FAM20A: variants seen among roughly 807,000 people sequenced by gnomAD.
FAM20A encodes pseudokinase FAM20A.
FAM20A carries 42 observed loss-of-function variants against 52.0 expected under a neutral mutation model. That is an observed-to-expected ratio of 0.81 (90% CI 0.63 to 1.04). The LOEUF (loss-of-function observed/expected upper bound fraction) is 1.04. FAM20A is among the 50% of genes least tolerant of loss of function. The pLI, the probability that FAM20A is intolerant of heterozygous loss-of-function variation, is 0.00. For synonymous variants in FAM20A, 304 were observed against 298.9 expected (o/e 1.02, Z -0.18); for missense variants, 742 against 712.7 (o/e 1.04, Z -0.47).
intron 1 of FAM20A, among the ~76,000 whole-genome samples, chr17:68,582,105 GAT>G (rs1444735530): frequency 6.6e-6 from 1 of 152,154 alleles, no homozygotes; most frequent in Non-Finnish European, 1.5e-5. Context: ...AGGGAGCAGA[GAT>G]TAGCCTGTTT....
intron 1 of FAM20A, among the ~76,000 whole-genome samples, chr17:68,596,470 C>T (rs898121028): frequency 2.7e-4 from 41 of 152,284 alleles, no homozygotes; most frequent in Non-Finnish European, 2.8e-4. Context: ...CAGTTTGACA[C>T]GTCAAAAGAC....
At chr17:68,572,488 T>C (rs2087591934) in intron 1 of FAM20A, among the ~76,000 whole-genome samples, 1 of 152,152 alleles carries the variant, frequency 6.6e-6, no homozygotes, top group Non-Finnish European at 1.5e-5. Context: ...TAACACTGAG[T>C]AGTAGTAACT....
intron 1 of FAM20A, among the ~76,000 whole-genome samples, chr17:68,574,550 G>A (rs1011820828): frequency 2.0e-5 from 3 of 152,178 alleles, no homozygotes; most frequent in Non-Finnish European, 4.4e-5. Context: ...GTTTTAACAT[G>A]AATTTTGGAG....
At chr17:68,556,309 C>G (rs1163672807) in intron 1 of FAM20A, among the ~76,000 whole-genome samples, 1 of 152,014 alleles carries the variant, frequency 6.6e-6, no homozygotes, top group Non-Finnish European at 1.5e-5. Context: ...GCTTGGGTAG[C>G]CTTTTCTCCC....
chr17:68,541,964 G>A, intron 7 of FAM20A, 21 bp downstream of exon 7: 1 of 1,609,264 alleles, frequency 6.2e-7, no homozygotes, highest in Non-Finnish European at 8.5e-7. Flanking sequence ...ACTGGGCTGT[G>A]TGGCCTGGGG....
chr17:68,579,176 G>A (rs990545574), intron 1 of FAM20A, among the ~76,000 whole-genome samples: 7 of 152,154 alleles, frequency 4.6e-5, no homozygotes, highest in Non-Finnish European at 8.8e-5. Flanking sequence ...TGTCTGGCCT[G>A]TTTCTTGGAG....
chr17:68,595,101 C>G (rs1404072141), intron 1 of FAM20A, among the ~76,000 whole-genome samples: 1 of 152,182 alleles, frequency 6.6e-6, no homozygotes, highest in Non-Finnish European at 1.5e-5. Flanking sequence ...GTGCCTGGCA[C>G]ATAACAAGCA....
intron 4 of FAM20A, among the ~76,000 whole-genome samples, chr17:68,547,230 A>C (rs1201951631): frequency 6.6e-6 from 1 of 152,216 alleles, no homozygotes; most frequent in Non-Finnish European, 1.5e-5. Flanking sequence ...ATTATCACCT[A>C]ACAAGAGAGT....
chr17:68,560,343 CAAAAA>C (rs59192235), intron 1 of FAM20A, among the ~76,000 whole-genome samples: 1 of 108,316 alleles, frequency 9.2e-6, no homozygotes. Context: ...AACTCCATCT[CAAAAA>C]AAAAAAAAAA....
Position 68,600,786 on chromosome 17 carries a change from G to C in FAM20A, c.-120C>G. On this transcript the variant is annotated 5_prime_UTR_variant, in exon 1 of 11. Coordinates refer to ENST00000592554, the MANE Select transcript of FAM20A (RefSeq NM_017565.4). This position sits in a 1 kb window ranked among gnomAD's most constrained non-coding sequence, Gnocchi z 6.2. ...CCCGCGGGTGGGCCGGGGTCAGTGA[G>C]ACCGGAATGCTCCCCGCGCGGGCTA... 2.6e-6 allele frequency: 3 copies of C among 1,134,126 alleles called. No individual in the cohort carries two copies. The highest frequency in any genetic ancestry group is 3.6e-6 in the Non-Finnish European group (3 of 822,352). 70.3% of individuals were successfully genotyped at this position (1,134,126 alleles called of 1,614,324 possible).
In FAM20A at chr17:68,546,405, C is replaced by T. The variant is rs552835137; in HGVS notation, c.720-2684G>A. 2.0e-5 allele frequency among the ~76,000 whole-genome samples: 3 copies of T among 152,088 alleles called. No individual in the cohort carries two copies. In the East Asian group the frequency reaches 5.8e-4, roughly 29 times the overall value. ...ATGTTGATATTTTTACCTCCTTCCACGCATCACAAATTTTCTTAATGGCAT... is the reference window on the plus strand; with the variant it reads ...ATGTTGATATTTTTACCTCCTTCCATGCATCACAAATTTTCTTAATGGCAT... On this transcript the variant is annotated intron_variant, in intron 4 of 10. Transcript: ENST00000592554.
At chr17:68,543,591 C>T (rs759648622) in intron 5 of FAM20A, 38 bp downstream of exon 5, 3 of 1,585,638 alleles carry the variant, frequency 1.9e-6, no homozygotes, top group African/African-American at 1.3e-5. Flanking sequence ...AGGATTGGTC[C>T]TTATAGGCAA....
chr17:68,552,827 G>A lies in FAM20A; in HGVS notation c.641-876C>T, dbSNP rs1422758003. On this transcript the variant is annotated intron_variant, in intron 3 of 10. Coordinates refer to ENST00000592554, the MANE Select transcript of FAM20A (RefSeq NM_017565.4). ...CTCCCGAGTAGCTGGGACTACAGGC[G>A]CCCGCCACCGCGCCCGGCTAATTTT... Among the ~76,000 whole-genome samples the A allele has an allele frequency of 6.6e-5, 9 of 136,814 alleles. 1 individual carries two copies. The highest frequency in any genetic ancestry group is 1.1e-4 in the Non-Finnish European group (7 of 62,562). 89.8% of individuals were successfully genotyped at this position (136,814 alleles called of 152,430 possible).
At chr17:68,558,712 T>A (rs1256157094) in intron 1 of FAM20A, among the ~76,000 whole-genome samples, 1 of 152,100 alleles carries the variant, frequency 6.6e-6, no homozygotes, top group Non-Finnish European at 1.5e-5. Flanking sequence ...GCTTCAGGTA[T>A]TTCTTTTTTC....
Position 68,560,382 on chromosome 17 carries a change from A to G in FAM20A, c.405-4639T>C, listed in dbSNP as rs114669796. Among the ~76,000 whole-genome samples, 1,081 of 151,512 alleles carry G rather than the reference A, an allele frequency of 7.1e-3. 19 individuals carry two copies. The highest frequency in any genetic ancestry group is 0.025 in the African/African-American group (1,044 of 41,252). On this transcript the variant is annotated intron_variant, in intron 1 of 10. Transcript: ENST00000592554. Reference sequence around the variant, plus strand: ...AAAAGAGATTTCGGAATGCTATCTCATCTCTCCCACTATGTGAAGAGAGAA... The same window carrying G: ...AAAAGAGATTTCGGAATGCTATCTCGTCTCTCCCACTATGTGAAGAGAGAA...
At chr17:68,540,468 G>C (rs2143468691) in intron 8 of FAM20A, 1 of 469,844 alleles carries the variant, frequency 2.1e-6, no homozygotes, top group South Asian at 1.5e-5. Context: ...CTGGAAGGTG[G>C]AATTACTAGT....
intron 1 of FAM20A, among the ~76,000 whole-genome samples, chr17:68,597,803 A>C (rs1210704209): frequency 6.6e-6 from 1 of 152,088 alleles, no homozygotes; most frequent in African/African-American, 2.4e-5. Context: ...TCTGCTGTCC[A>C]TTCTATTTAT....
chr17:68,600,546 GGC>G lies in FAM20A; in HGVS notation c.119_120del (p.Arg40ProfsTer39). The G allele has an allele frequency of 6.4e-7, 1 of 1,559,170 alleles. No homozygotes were observed. Among genetic ancestry groups the G allele is most frequent in the Non-Finnish European group, 8.7e-7 (1 of 1,152,366 alleles). ...QVQRQLRPRE[R>X]PRGCPCTGRA... The stretch of plus-strand genomic sequence containing the variant: ...CGGCCGGTGCACGGGCACCCCCGCG[GGC>G]GCTCCCGAGGCCGCAGCTGGCGCTG... On this transcript the variant is annotated frameshift_variant, in exon 1 of 11. Coordinates refer to ENST00000592554, the MANE Select transcript of FAM20A (RefSeq NM_017565.4). LOFTEE classifies it high-confidence loss of function. The surrounding 1 kb of genome is among the most constrained non-coding windows in gnomAD (Gnocchi z 6.2).
intron 5 of FAM20A, 46 bp downstream of exon 5, chr17:68,543,583 G>A (rs370119759): frequency 1.4e-5 from 22 of 1,552,980 alleles, no homozygotes; most frequent in South Asian, 3.3e-5. Flanking sequence ...CCTCCCAGAG[G>A]ATTGGTCCTT....
Sources: allele counts gnomAD v4.1 joint callset (sites outside exome capture counted in the v4.1 genomes callset), GRCh38; gene constraint gnomAD v4.1.1; non-coding constraint Gnocchi (gnomAD v3.1); transcripts MANE v1.5; gene names NCBI Gene and HGNC (gene_info 2026-07-23, HGNC 2026-07-21).